BSPRY: variants seen among roughly 807,000 people sequenced by gnomAD.
The protein encoded by BSPRY is B box and SPRY domain-containing protein.
In BSPRY, 33 loss-of-function variants were observed where a neutral mutation model predicts 38.0. That is an observed-to-expected ratio of 0.87 (90% CI 0.66 to 1.16). The LOEUF (loss-of-function observed/expected upper bound fraction) is 1.16. BSPRY is among the 50% of genes most tolerant of loss of function. BSPRY has a pLI of 0.00. For synonymous variants in BSPRY, 224 were observed against 228.5 expected (o/e 0.98, Z 0.18); for missense variants, 523 against 533.2 (o/e 0.98, Z 0.19).
At chr9:113,364,340 A>G (rs1323995644) in intron 4 of BSPRY, among the ~76,000 whole-genome samples, 1 of 152,158 alleles carries the variant, frequency 6.6e-6, no homozygotes, top group Non-Finnish European at 1.5e-5. Context: ...TAGACGGATC[A>G]TATTTATTTT....
intron 2 of BSPRY, among the ~76,000 whole-genome samples, chr9:113,358,772 T>C (rs1464475752): frequency 6.6e-6 from 1 of 152,216 alleles, no homozygotes; most frequent in East Asian, 1.9e-4. Context: ...ATCTGATTCA[T>C]CTTGGGTGAG....
At chr9:113,364,851 T>C (rs1366601828) in intron 4 of BSPRY, among the ~76,000 whole-genome samples, 1 of 152,154 alleles carries the variant, frequency 6.6e-6, no homozygotes, top group Admixed American at 6.5e-5. Context: ...ACAGTCCATA[T>C]CCAACTGTTG....
At chr9:113,366,116 T>G (rs1834247096) in intron 4 of BSPRY, among the ~76,000 whole-genome samples, 1 of 152,156 alleles carries the variant, frequency 6.6e-6, no homozygotes, top group African/African-American at 2.4e-5. Flanking sequence ...GTATCACAGA[T>G]TCTAATTCCA....
chr9:113,351,011 G>A (rs554424258), intron 1 of BSPRY, among the ~76,000 whole-genome samples: 91 of 152,174 alleles, frequency 6.0e-4, no homozygotes, highest in Non-Finnish European at 1.2e-3. Context: ...TAATGTTCAG[G>A]GGTGGGACCC....
In BSPRY at chr9:113,370,053, A is replaced by G. The variant is rs1419047215; in HGVS notation, c.1120A>G (p.Thr374Ala). 6.2e-7 allele frequency: 1 copy of G among 1,614,138 alleles called. No homozygotes were observed. Among genetic ancestry groups the G allele is most frequent in the Non-Finnish European group, 8.5e-7 (1 of 1,180,028 alleles). Residue 374 changes from threonine to alanine, a missense_variant, in exon 6 of 6, where the codon ACA becomes GCA. By Grantham distance (58) the Thr-to-Ala change is moderately conservative. Transcript: ENST00000374183. The surrounding 1 kb of genome is among the most constrained non-coding windows in gnomAD (Gnocchi z 4.8). ...ELLFYEPASG[T>A]VLCAHHVSFP... is the part of the protein sequence containing the mutation. ...GCTCTTCTATGAGCCAGCCTCCGGC[A>G]CAGTGCTCTGTGCCCATCATGTGTC...
chr9:113,350,695 T>A (rs1833957367), intron 1 of BSPRY, among the ~76,000 whole-genome samples: 1 of 152,104 alleles, frequency 6.6e-6, no homozygotes. Context: ...CTACCCAGAG[T>A]GACCTGTAAT....
intron 1 of BSPRY, among the ~76,000 whole-genome samples, chr9:113,351,430 C>T (rs751391422): frequency 8.5e-5 from 13 of 152,174 alleles, no homozygotes; most frequent in Non-Finnish European, 1.6e-4. Context: ...GGATTCCTGC[C>T]CTGTGGTTTT....
At chr9:113,350,472 C>T (rs1833954629) in intron 1 of BSPRY, among the ~76,000 whole-genome samples, 1 of 152,132 alleles carries the variant, frequency 6.6e-6, no homozygotes, top group Non-Finnish European at 1.5e-5. Flanking sequence ...GGCTTTCTCG[C>T]CACCTCCACT....
At chr9:113,359,660 G>A (rs1313118292) in intron 2 of BSPRY, among the ~76,000 whole-genome samples, 2 of 152,202 alleles carry the variant, frequency 1.3e-5, no homozygotes, top group Non-Finnish European at 1.5e-5. Context: ...TGGACTGAGA[G>A]TCAAGAGAAT....
intron 5 of BSPRY, among the ~76,000 whole-genome samples, 157 bp downstream of exon 5, chr9:113,368,540 G>C (rs1054816590): frequency 6.6e-6 from 1 of 152,192 alleles, no homozygotes; most frequent in Non-Finnish European, 1.5e-5. Flanking sequence ...CAAGGTTCCA[G>C]ACAGGCCTGG....
intron 2 of BSPRY, among the ~76,000 whole-genome samples, chr9:113,357,618 C>G: frequency 6.6e-6 from 1 of 151,966 alleles, no homozygotes; most frequent in Non-Finnish European, 1.5e-5. Flanking sequence ...TAGTTTTGAT[C>G]AAAGTTGCCA....
At chr9:113,354,644 C>G (rs1216410353) in intron 2 of BSPRY, among the ~76,000 whole-genome samples, 1 of 152,156 alleles carries the variant, frequency 6.6e-6, no homozygotes, top group Non-Finnish European at 1.5e-5. Flanking sequence ...ATAAAATAAC[C>G]TAGGACTTTT....
At chr9:113,358,428 C>G (rs1190597426) in intron 2 of BSPRY, among the ~76,000 whole-genome samples, 1 of 151,776 alleles carries the variant, frequency 6.6e-6, no homozygotes, top group East Asian at 2.0e-4. Context: ...ACCACCAGGC[C>G]CAGCTAATTT....
chr9:113,369,994 T>A lies in BSPRY; in HGVS notation c.1061T>A (p.Leu354Gln). 6.2e-7 allele frequency: 1 copy of A among 1,614,158 alleles called. No individual in the cohort carries two copies. The highest frequency in any genetic ancestry group is 1.1e-5 in the South Asian group (1 of 91,074). The change falls in exon 6 of 6, where the codon CTG (leucine) becomes CAG (glutamine). Residue 354 changes from leucine to glutamine, a missense_variant. Leu to Gln is a moderately radical substitution (Grantham distance 113, BLOSUM62 -2). Transcript: ENST00000374183. ...GGGCTGCTGCGGGGCCCAGCCCAGC[T>A]GGGTGTAGTGCTGGACTTGCAGGTT... is the stretch of plus-strand genomic sequence containing the variant. Reference protein sequence around the residue: ...PLGLLRGPAQLGVVLDLQVQE... With the variant: ...PLGLLRGPAQQGVVLDLQVQE...
intron 3 of BSPRY, among the ~76,000 whole-genome samples, chr9:113,360,955 A>G (rs1334148806): frequency 6.6e-6 from 1 of 152,178 alleles, no homozygotes; most frequent in African/African-American, 2.4e-5. Context: ...TTTGCAAAAT[A>G]ACCCTGCTAA....
At chr9:113,361,112 TC>T (rs1834146308) in intron 3 of BSPRY, among the ~76,000 whole-genome samples, 1 of 152,018 alleles carries the variant, frequency 6.6e-6, no homozygotes, top group Admixed American at 6.6e-5. Flanking sequence ...TTAGCCATAA[TC>T]CCCCTTACCC....
chr9:113,360,564 C>T lies in BSPRY; in HGVS notation c.358C>T (p.Leu120Phe), dbSNP rs368339422. The change falls in exon 3 of 6, where the codon CTT becomes TTT. Residue 120 changes from leucine (L) to phenylalanine (F), a missense_variant. Leu to Phe is a conservative substitution (Grantham distance 22, BLOSUM62 0). Coordinates refer to ENST00000374183, the MANE Select transcript of BSPRY (RefSeq NM_017688.3). ...VIQRLSLVRS[L>F]CESEEQRLLE... ...CCAGCGGTTGAGTCTGGTGAGGAGT[C>T]TTTGCGAGAGCGAGGAGCAGCGGTT... 2.5e-6 allele frequency: 4 copies of T among 1,607,986 alleles called. No homozygotes were observed. The highest frequency in any genetic ancestry group is 1.1e-5 in the South Asian group (1 of 89,442).
Position 113,360,672 on chromosome 9 carries a change from A to C in BSPRY, c.466A>C (p.Lys156Gln), listed in dbSNP as rs774857753. 4 of 1,608,432 alleles carry C rather than the reference A, an allele frequency of 2.5e-6. No homozygotes were observed. Among genetic ancestry groups the C allele is most frequent in the Non-Finnish European group, 3.4e-6 (4 of 1,178,432 alleles). ...GGTGCACTGGGCCGAGGCGCTGCAG[A>C]AACTTGACACCATCCGCACTGGCCT... ...QRVHWAEALQ[K>Q]LDTIRTGLVG... The change falls in exon 3 of 6, where the codon AAA (lysine) becomes CAA (glutamine). Residue 156 changes from lysine to glutamine, a missense_variant. Coordinates refer to ENST00000374183, the MANE Select transcript of BSPRY (RefSeq NM_017688.3).
At chr9:113,349,840 G>C (rs1833942766) in intron 1 of BSPRY, 60 bp downstream of exon 1, 18 of 1,207,062 alleles carry the variant, frequency 1.5e-5, no homozygotes, top group Non-Finnish European at 1.9e-5. Context: ...CGCCTGGCGG[G>C]ACCCGGCAGG....
Sources: allele counts gnomAD v4.1 joint callset (sites outside exome capture counted in the v4.1 genomes callset), GRCh38; gene constraint gnomAD v4.1.1; non-coding constraint Gnocchi (gnomAD v3.1); transcripts MANE v1.5; gene names NCBI Gene and HGNC (gene_info 2026-07-23, HGNC 2026-07-21).